MIAT: variants seen among roughly 807,000 people sequenced by gnomAD.
The protein encoded by MIAT is MI related novel mRNA.
At chr22:26,659,928 T>A (rs759351748) in intron 2 of MIAT, among the ~76,000 whole-genome samples, 1 of 148,712 alleles carries the variant, frequency 6.7e-6, no homozygotes, top group African/African-American at 2.5e-5. Context: ...CTCCACCTCC[T>A]GGGTTCAAGT....
chr22:26,664,779 G>A (rs1028720960), intron 3 of MIAT, among the ~76,000 whole-genome samples: 2 of 152,166 alleles, frequency 1.3e-5, no homozygotes, highest in African/African-American at 4.8e-5. Context: ...TTTGATCAGT[G>A]CTGCCTAACT....
In MIAT at chr22:26,655,238, T is replaced by A. The variant is rs76009721; in HGVS notation, n.646+7927T>A. 2.9e-3 allele frequency among the ~76,000 whole-genome samples: 441 copies of A among 152,266 alleles called. 2 individuals are homozygous for A. Among genetic ancestry groups the A allele is most frequent in the African/African-American group, 9.8e-3 (407 of 41,538 alleles). ...CTGCAATGGTCTTGGGCTGGGCACA[T>A]TGGAAATGTTTTATAGGTTTGTTGA... On this transcript the variant is annotated intron_variant and non_coding_transcript_variant, in intron 2 of 5. Coordinates refer to ENST00000643270, the Ensembl canonical transcript of MIAT.
intron 4 of MIAT, chr22:26,667,152 C>A: frequency 2.5e-6 from 1 of 398,486 alleles, no homozygotes; most frequent in South Asian, 1.3e-4. Context: ...TGGGTGAGCT[C>A]GAGCAGAGAA....
chr22:26,674,610 C>T (rs1359669396), downstream of MIAT: 6 of 398,620 alleles, frequency 1.5e-5, no homozygotes, highest in South Asian at 2.5e-4. Flanking sequence ...GAAGGGTGAT[C>T]CAGAGGCCTG....
downstream of MIAT, chr22:26,671,612 C>G (rs1931050415): frequency 1.3e-5 from 5 of 398,818 alleles, no homozygotes; most frequent in East Asian, 1.8e-4. Flanking sequence ...CCAGAAGGCT[C>G]TGCCTATGGG....
exon 5 of MIAT, chr22:26,675,857 T>G (rs1392618606): frequency 2.5e-6 from 1 of 398,498 alleles, no homozygotes; most frequent in Non-Finnish European, 4.4e-6. Flanking sequence ...AAAATATGCC[T>G]TGGTGGGTAA....
At chr22:26,671,100 C>CA (rs1931028687), downstream of MIAT, 2 of 398,406 alleles carry the variant, frequency 5.0e-6, no homozygotes. Context: ...GTGTGTCTGT[C>CA]AGAGTGTAAC....
At chr22:26,650,467 T>G (rs1930318096) in intron 2 of MIAT, 1 of 152,308 alleles carries the variant, frequency 6.6e-6, no homozygotes, top group South Asian at 2.1e-4. Flanking sequence ...ACCTGCTCCC[T>G]TACCAAGGCT....
chr22:26,674,935 A>G (rs1931204512), exon 5 of MIAT: 1 of 398,620 alleles, frequency 2.5e-6, no homozygotes, highest in African/African-American at 2.1e-5. Flanking sequence ...AGAGTTGGTG[A>G]AGTAGATAGT....
chr22:26,673,000 G>A (rs1569225285), downstream of MIAT: 4 of 398,500 alleles, frequency 1.0e-5, no homozygotes, highest in Non-Finnish European at 1.8e-5. Flanking sequence ...AAGTAGACGT[G>A]GGGCCGTGAC....
chr22:26,656,065 G>C (rs887266469), intron 2 of MIAT: 3 of 152,914 alleles, frequency 2.0e-5, no homozygotes, highest in African/African-American at 7.3e-5. Context: ...AGGCTGGAGT[G>C]CAATGGTATG....
chr22:26,647,934 G>A (rs1029419310), intron 2 of MIAT, among the ~76,000 whole-genome samples: 11 of 152,158 alleles, frequency 7.2e-5, no homozygotes, highest in African/African-American at 2.7e-4. Context: ...CTGGAGGAAG[G>A]GTGTTTTTGT....
chr22:26,672,973 C>G (rs191138261), downstream of MIAT: 64 of 398,596 alleles, frequency 1.6e-4, no homozygotes, highest in Non-Finnish European at 8.8e-5. Flanking sequence ...CCGAGAGAGG[C>G]CGGTTTCCCC....
intron 2 of MIAT, chr22:26,657,512 C>G: frequency 5.0e-6 from 2 of 398,650 alleles, no homozygotes; most frequent in Non-Finnish European, 8.8e-6. Flanking sequence ...GCTGCGCTCG[C>G]GGGACCAGAG....
intron 2 of MIAT, among the ~76,000 whole-genome samples, chr22:26,647,767 G>A (rs1001047481): frequency 6.6e-6 from 1 of 152,108 alleles, no homozygotes; most frequent in Non-Finnish European, 1.5e-5. Flanking sequence ...ACAGACTGGG[G>A]GGAAGCCCAG....
downstream of MIAT, chr22:26,671,885 G>C (rs1282677051): frequency 2.5e-6 from 1 of 397,840 alleles, no homozygotes; most frequent in African/African-American, 2.1e-5. Flanking sequence ...GGTTGAACAC[G>C]TCTGCTGCCT....
chr22:26,659,863 G>A (rs1256261656), intron 2 of MIAT, among the ~76,000 whole-genome samples: 1 of 99,768 alleles, frequency 1.0e-5, no homozygotes, highest in Non-Finnish European at 2.0e-5. Context: ...TTGAAACAGA[G>A]CCTTACTTTT....
At chr22:26,662,090 A>ACAGGCACAGGTACACATAAC (rs1930698354) in intron 2 of MIAT, among the ~76,000 whole-genome samples, 1 of 151,538 alleles carries the variant, frequency 6.6e-6, no homozygotes, top group African/African-American at 2.4e-5. Flanking sequence ...CCAAATAGCC[A>ACAGGCACAGGTACACATAAC]CAGGCACAGG....
downstream of MIAT, chr22:26,672,474 A>C (rs1281534844): frequency 7.5e-6 from 3 of 399,458 alleles, no homozygotes; most frequent in East Asian, 3.6e-5. Flanking sequence ...TCCTATGTGC[A>C]GAAGTCTGGT....
Sources: gnomAD v4.1 joint callset for allele counts (sites outside exome capture counted in the v4.1 genomes callset) on GRCh38, gnomAD v4.1.1 for gene constraint, MANE v1.5 for transcripts, NCBI Gene and HGNC (gene_info 2026-07-23, HGNC 2026-07-21) for gene names.